The following EFNB2 variants were observed in gnomAD, a reference collection of about 807,000 sequenced individuals.
EFNB2 encodes the protein ephrin B2, also known as ephrin-B2.
Under a neutral mutation model 32.1 loss-of-function variants are expected in EFNB2, and 5 were observed. The ratio of observed to expected loss-of-function variants is 0.16; its 90% CI spans 0.08 to 0.33. The LOEUF is 0.33. Ranked by LOEUF, EFNB2 falls within the 10% of genes least tolerant of loss-of-function variation. The pLI, the probability that EFNB2 is intolerant of heterozygous loss-of-function variation, is 1.00. For synonymous variants in EFNB2, 168 were observed against 166.5 expected, an observed-to-expected ratio of 1.01 and a Z score of -0.07; for missense variants, 263 against 422.6, an observed-to-expected ratio of 0.62 and a Z score of 3.31.
chr13:106,496,205 C>T (rs1472740530), intron 2 of EFNB2, among the ~76,000 whole-genome samples: 1 of 152,112 alleles, frequency 6.6e-6, no homozygotes, highest in Non-Finnish European at 1.5e-5. Flanking sequence ...ATAGTTAATG[C>T]AGCCATTTCC....
At chr13:106,519,032 A>G (rs1457039012) in intron 1 of EFNB2, 1 of 152,176 alleles carries the variant, frequency 6.6e-6, no homozygotes, top group Non-Finnish European at 1.5e-5. Context: ...GATATGCCAA[A>G]GTTTCCAAAC....
At chr13:106,524,789 G>A (rs1353797730) in intron 1 of EFNB2, among the ~76,000 whole-genome samples, 3 of 152,182 alleles carry the variant, frequency 2.0e-5, no homozygotes, top group African/African-American at 7.2e-5. Flanking sequence ...AAAGTCCAGG[G>A]TTAAAAGTGT....
chr13:106,509,558 A>G (rs2138917284), intron 2 of EFNB2, among the ~76,000 whole-genome samples: 1 of 152,206 alleles, frequency 6.6e-6, no homozygotes, highest in Middle Eastern at 3.4e-3. Context: ...CACTATTTAT[A>G]AATGTACTGA....
At chr13:106,521,733 T>A (rs1177572255) in intron 1 of EFNB2, 1 of 151,464 alleles carries the variant, frequency 6.6e-6, no homozygotes, top group African/African-American at 2.4e-5. Flanking sequence ...TTTAAAGTGC[T>A]CAAAGACAGT....
chr13:106,496,142 G>A (rs1878580974), intron 2 of EFNB2, among the ~76,000 whole-genome samples: 1 of 152,134 alleles, frequency 6.6e-6, no homozygotes, highest in South Asian at 2.1e-4. Context: ...AAAAGGGATG[G>A]CATCCTTCAA....
chr13:106,531,489 G>C (rs1247155854), intron 1 of EFNB2, among the ~76,000 whole-genome samples: 1 of 152,186 alleles, frequency 6.6e-6, no homozygotes, highest in Non-Finnish European at 1.5e-5. Flanking sequence ...GTGGAGCATA[G>C]TTCAAGGGGC....
At chr13:106,497,589 G>A (rs770965633) in intron 2 of EFNB2, among the ~76,000 whole-genome samples, 1 of 151,826 alleles carries the variant, frequency 6.6e-6, no homozygotes, top group Non-Finnish European at 1.5e-5. Context: ...TGTGCACAAC[G>A]TGCAGGTTTG....
At chr13:106,526,612 TGC>T (rs1879710671) in intron 1 of EFNB2, among the ~76,000 whole-genome samples, 1 of 152,112 alleles carries the variant, frequency 6.6e-6, no homozygotes, top group Non-Finnish European at 1.5e-5. Context: ...TACGAGAACT[TGC>T]TTTTTTTTTA....
At chr13:106,505,089 T>C (rs1050069441) in intron 2 of EFNB2, among the ~76,000 whole-genome samples, 5 of 152,170 alleles carry the variant, frequency 3.3e-5, no homozygotes, top group Non-Finnish European at 7.4e-5. Flanking sequence ...GGGCAGATGA[T>C]TGCAAGCTGG....
intron 2 of EFNB2, among the ~76,000 whole-genome samples, chr13:106,496,510 C>T (rs898795833): frequency 7.2e-5 from 11 of 152,212 alleles, no homozygotes; most frequent in African/African-American, 1.7e-4. Context: ...CTACCTGTTG[C>T]GGGAAAACTC....
intron 1 of EFNB2, among the ~76,000 whole-genome samples, chr13:106,515,638 A>G (rs1347138571): frequency 2.0e-5 from 3 of 152,196 alleles, no homozygotes; most frequent in Non-Finnish European, 4.4e-5. Flanking sequence ...CCAATCCTTG[A>G]GTGGTTTAGC....
intron 2 of EFNB2, among the ~76,000 whole-genome samples, chr13:106,500,668 A>G (rs1023237172): frequency 1.3e-5 from 2 of 152,210 alleles, no homozygotes; most frequent in South Asian, 4.1e-4. Flanking sequence ...CCACAAAACA[A>G]GTAGCATTTT....
intron 1 of EFNB2, among the ~76,000 whole-genome samples, chr13:106,532,051 T>G: frequency 8.2e-6 from 1 of 122,048 alleles, no homozygotes; most frequent in Non-Finnish European, 1.7e-5. Flanking sequence ...TGTTCTCTGC[T>G]GAATTAAAAA....
Position 106,498,177 on chromosome 13 carries a change from G to A in EFNB2, c.407-2337C>T, listed in dbSNP as rs151228688. Among the ~76,000 whole-genome samples the A allele has an allele frequency of 6.8e-3, 1,039 of 152,146 alleles. 6 individuals are homozygous for A. Among genetic ancestry groups the A allele is most frequent in the Non-Finnish European group, 1.0e-2 (680 of 68,006 alleles). ...GAAAAATGACAAAATGAGATCTGAAGGGCAGTGCACAGAAAGAAAGGGGAG... is the reference window on the plus strand; with the variant it reads ...GAAAAATGACAAAATGAGATCTGAAAGGCAGTGCACAGAAAGAAAGGGGAG... On this transcript the variant is annotated intron_variant, in intron 2 of 4. Transcript: ENST00000646441.
chr13:106,535,416 G>C lies in EFNB2; in HGVS notation c.-452C>G, dbSNP rs1490204329. On this transcript the variant is annotated 5_prime_UTR_variant, in exon 1 of 5. Coordinates refer to ENST00000646441, the MANE Select transcript of EFNB2 (RefSeq NM_004093.4). Reference sequence around the variant, plus strand: ...CAGTGCAGCGGGCAGCGGCCCGAGCGCGCGGGCGCCGCGTCGGCGCGGTTC... The same window carrying C: ...CAGTGCAGCGGGCAGCGGCCCGAGCCCGCGGGCGCCGCGTCGGCGCGGTTC... 2.0e-5 allele frequency: 3 copies of C among 150,314 alleles called. No homozygotes were observed. The highest frequency in any genetic ancestry group is 7.3e-5 in the African/African-American group (3 of 41,152). 9.3% of individuals were successfully genotyped at this position (150,314 alleles called of 1,614,324 possible).
chr13:106,531,417 C>T (rs1879868761), intron 1 of EFNB2, among the ~76,000 whole-genome samples: 1 of 152,316 alleles, frequency 6.6e-6, no homozygotes, highest in South Asian at 2.1e-4. Flanking sequence ...AATTCCACCC[C>T]TGGTGCTTTG....
At chr13:106,511,837 T>A (rs902846277) in intron 2 of EFNB2, among the ~76,000 whole-genome samples, 4 of 152,170 alleles carry the variant, frequency 2.6e-5, no homozygotes, top group African/African-American at 7.2e-5. Context: ...AATGTGCTCA[T>A]CAGCTGACTT....
intron 1 of EFNB2, 103 bp from the exon 2 acceptor site, chr13:106,512,915 T>A: frequency 1.0e-6 from 1 of 954,786 alleles, no homozygotes. Context: ...AACTACACAT[T>A]TTCAGATTCA....
In EFNB2 at chr13:106,492,590, C is replaced by T. The variant is rs1011788769; in HGVS notation, c.*450G>A. 5 of 169,130 alleles carry T rather than the reference C, an allele frequency of 3.0e-5. No homozygotes were observed. In the East Asian group the frequency reaches 4.5e-4, roughly 15 times the overall value. 10.5% of individuals were successfully genotyped at this position (169,130 alleles called of 1,614,324 possible). A position where few individuals can be genotyped will look rare whatever the true frequency, so the allele number is the denominator to read the frequency against. ...AGATCTTTGCACACCTTAACTAGCCCGAGGTCCGTGTGACAAGTCCGGTAT... is the reference window on the plus strand; with the variant it reads ...AGATCTTTGCACACCTTAACTAGCCTGAGGTCCGTGTGACAAGTCCGGTAT... On this transcript the variant is annotated 3_prime_UTR_variant, in exon 5 of 5. Transcript: ENST00000646441. This position sits in a 1 kb window ranked among gnomAD's most constrained non-coding sequence, Gnocchi z 5.1.
Sources: allele counts gnomAD v4.1 joint callset (sites outside exome capture counted in the v4.1 genomes callset), GRCh38; gene constraint gnomAD v4.1.1; non-coding constraint Gnocchi (gnomAD v3.1); transcripts MANE v1.5; gene names NCBI Gene and HGNC (gene_info 2026-07-23, HGNC 2026-07-21).